WFDC11: variants seen among roughly 807,000 people sequenced by gnomAD.
WFDC11 encodes WAP four-disulfide core domain 11, also known as protein WFDC11.
In WFDC11, 9 loss-of-function variants were observed where a neutral mutation model predicts 9.9. The ratio of observed to expected loss-of-function variants is 0.91; its 90% CI spans 0.55 to 1.58. The LOEUF is 1.58. Among genes scored for constraint, WFDC11 ranks in the 40% most tolerant of loss-of-function variants. The pLI is 0.00. For missense variants in WFDC11, 106 were observed against 101.7 expected, an observed-to-expected ratio of 1.04 and a Z score of -0.18; for synonymous variants, 32 against 33.3, an observed-to-expected ratio of 0.96 and a Z score of 0.13.
At chr20:45,664,849 A>T (rs989792633) in intron 2 of WFDC11, among the ~76,000 whole-genome samples, 16 of 151,764 alleles carry the variant, frequency 1.1e-4, no homozygotes, top group Non-Finnish European at 2.2e-4. Flanking sequence ...TGCCCTTAAC[A>T]TTTTTTCCTT....
chr20:45,662,615 GT>G (rs1215602201), intron 2 of WFDC11, among the ~76,000 whole-genome samples: 12 of 152,296 alleles, frequency 7.9e-5, no homozygotes, highest in Non-Finnish European at 1.6e-4. Context: ...TTTATTAAAA[GT>G]TTTTAGCATG....
rs756409567 is a variant in WFDC11 at position 45,648,724 on chromosome 20, A to C, written c.259T>G (p.Tyr87Asp). ...CCTGGTGGGAAGCTACGGTTTTAGTAATCTCCACTGGTTTCCTGTAAAACA... is the reference window on the plus strand; with the variant it reads ...CCTGGTGGGAAGCTACGGTTTTAGTCATCTCCACTGGTTTCCTGTAAAACA... ...CWINVETSGD[Y>D] The change falls in exon 5 of 5, where the codon TAC (tyrosine) becomes GAC (aspartate). Residue 87 changes from tyrosine to aspartate, a missense_variant. Tyr to Asp is a radical substitution (Grantham distance 160). Transcript: ENST00000324384. 22 of 1,614,072 alleles carry C rather than the reference A, an allele frequency of 1.4e-5. No individual in the cohort carries two copies. Among genetic ancestry groups the C allele is most frequent in the Non-Finnish European group, 1.7e-5 (20 of 1,180,020 alleles).
intron 2 of WFDC11, among the ~76,000 whole-genome samples, chr20:45,663,382 G>A (rs1247622108): frequency 1.3e-5 from 2 of 151,942 alleles, no homozygotes; most frequent in African/African-American, 2.4e-5. Flanking sequence ...ACCAGCTCCT[G>A]GATTTATTGA....
chr20:45,661,922 A>G (rs1310831475), intron 2 of WFDC11, among the ~76,000 whole-genome samples: 1 of 152,150 alleles, frequency 6.6e-6, no homozygotes, highest in Admixed American at 6.5e-5. Flanking sequence ...GTTCCATATG[A>G]ACTTTAAAGT....
Position 45,649,505 on chromosome 20 carries a change from A to G in WFDC11, c.101-106T>C, listed in dbSNP as rs1982755669. 7 of 1,374,146 alleles carry G rather than the reference A, an allele frequency of 5.1e-6. No individual in the cohort carries two copies. The Admixed American group carries it at 6.5e-5, about 13-fold the overall frequency. 85.1% of individuals were successfully genotyped at this position (1,374,146 alleles called of 1,614,324 possible). A position where few individuals can be genotyped will look rare whatever the true frequency, so the allele number is the denominator to read the frequency against. The stretch of plus-strand genomic sequence containing the variant: ...AGTTCCTCCTGGAATCTGGGCCCCA[A>G]ATTCCAACCAAGATATCTATTTGCC... On this transcript the variant is annotated intron_variant, in intron 3 of 4. Transcript: ENST00000324384.
At chr20:45,653,431 GCA>G (rs1402787835) in intron 2 of WFDC11, among the ~76,000 whole-genome samples, 1 of 151,932 alleles carries the variant, frequency 6.6e-6, no homozygotes, top group Non-Finnish European at 1.5e-5. Flanking sequence ...CCTGAAGGAA[GCA>G]CTAAACATGG....
rs140341486 is a variant in WFDC11, at chr20:45,649,257, G to A, written c.243C>T (p.Val81=). 1.8e-4 allele frequency: 293 copies of A among 1,613,788 alleles called. No homozygotes were observed. The highest frequency in any genetic ancestry group is 2.6e-4 in the South Asian group (24 of 90,968). The stretch of plus-strand genomic sequence containing the variant: ...CCCAAGCAAACATCTCCCAACTCAC[G>A]ACGTTTATCCAGCAGATGTTTCCAC... The part of the protein sequence containing the change: ...TYCGNICWIN[V]ETSGDY Residue 81 remains valine, a splice_region_variant and synonymous_variant, in exon 4 of 5, where the codon GTC becomes GTT. Transcript: ENST00000324384.
chr20:45,648,938 T>A (rs761801966), intron 4 of WFDC11, among the ~76,000 whole-genome samples, 199 bp from the exon 5 acceptor site: 3 of 152,154 alleles, frequency 2.0e-5, no homozygotes, highest in Non-Finnish European at 4.4e-5. Flanking sequence ...CTGAGCCAAA[T>A]GGCCCATGGG....
intron 2 of WFDC11, among the ~76,000 whole-genome samples, chr20:45,658,912 C>A (rs966496986): frequency 6.6e-6 from 1 of 151,986 alleles, no homozygotes; most frequent in South Asian, 2.1e-4. Context: ...TGCCCACCCC[C>A]CCGTCCATGT....
chr20:45,661,736 G>A (rs967051542), intron 2 of WFDC11, among the ~76,000 whole-genome samples: 29 of 152,096 alleles, frequency 1.9e-4, no homozygotes, highest in Admixed American at 3.9e-4. Flanking sequence ...GTAGATATGC[G>A]GCGTTATTAC....
intron 2 of WFDC11, among the ~76,000 whole-genome samples, chr20:45,658,903 G>C (rs1982993446): frequency 7.9e-6 from 1 of 126,588 alleles, no homozygotes; most frequent in Admixed American, 7.6e-5. Context: ...GGTGTGTGAT[G>C]CCCACCCCCC....
chr20:45,662,863 A>G (rs1289540327), intron 2 of WFDC11, among the ~76,000 whole-genome samples: 1 of 152,112 alleles, frequency 6.6e-6, no homozygotes, highest in Non-Finnish European at 1.5e-5. Context: ...TTCATCAGGG[A>G]TATTGGTATA....
At chr20:45,669,358 T>C (rs1983250674) in intron 1 of WFDC11, among the ~76,000 whole-genome samples, 1 of 152,132 alleles carries the variant, frequency 6.6e-6, no homozygotes, top group African/African-American at 2.4e-5. Flanking sequence ...GCCACCCTAA[T>C]AAAGTGAGTC....
At chr20:45,668,406 C>T (rs1983229517) in intron 1 of WFDC11, among the ~76,000 whole-genome samples, 1 of 152,004 alleles carries the variant, frequency 6.6e-6, no homozygotes, top group Non-Finnish European at 1.5e-5. Context: ...TGCCTCTTCC[C>T]ACTTTACAAT....
intron 1 of WFDC11, among the ~76,000 whole-genome samples, chr20:45,667,685 T>A (rs1215094104): frequency 6.6e-6 from 1 of 152,214 alleles, no homozygotes; most frequent in Non-Finnish European, 1.5e-5. Context: ...AAATCCTACA[T>A]CCCACTTACT....
intron 2 of WFDC11, among the ~76,000 whole-genome samples, chr20:45,655,518 G>T (rs1982909346): frequency 6.6e-6 from 1 of 152,108 alleles, no homozygotes; most frequent in Non-Finnish European, 1.5e-5. Flanking sequence ...TTTGAAAACT[G>T]GCACAAGACA....
At chr20:45,648,802 C>A (rs771098390) in intron 4 of WFDC11, 63 bp from the exon 5 acceptor site, 12 of 1,524,832 alleles carry the variant, frequency 7.9e-6, no homozygotes, top group Non-Finnish European at 1.1e-5. Flanking sequence ...GCATTCATTC[C>A]CCCTGCTTAA....
At chr20:45,654,950 A>T (rs1432707990) in intron 2 of WFDC11, among the ~76,000 whole-genome samples, 3 of 152,238 alleles carry the variant, frequency 2.0e-5, no homozygotes, top group Non-Finnish European at 4.4e-5. Context: ...ATAGCTTACC[A>T]ATCAAAAAAA....
chr20:45,666,997 T>G (rs1983200117), intron 2 of WFDC11, 91 bp downstream of exon 2: 1 of 152,206 alleles, frequency 6.6e-6, no homozygotes, highest in Non-Finnish European at 1.5e-5. Flanking sequence ...TGCAGGGGCA[T>G]GATTTGGGCA....
Sources: gnomAD v4.1 joint callset for allele counts (sites outside exome capture counted in the v4.1 genomes callset) on GRCh38, gnomAD v4.1.1 for gene constraint, MANE v1.5 for transcripts, NCBI Gene and HGNC (gene_info 2026-07-23, HGNC 2026-07-21) for gene names.